The following EMILIN2 variants were observed in gnomAD, a reference collection of about 807,000 sequenced individuals.
EMILIN2 encodes the protein EMILIN-2.
Under a neutral mutation model 87.1 loss-of-function variants are expected in EMILIN2, and 71 were observed. That is an observed-to-expected ratio of 0.82 (90% CI 0.67 to 0.99). The LOEUF (loss-of-function observed/expected upper bound fraction) is 0.99, where lower values mean the gene tolerates loss of function less well. Among genes scored for constraint, EMILIN2 ranks in the 50% least tolerant of loss-of-function variants. The pLI, the probability that EMILIN2 is intolerant of heterozygous loss-of-function variation, is 0.00. For synonymous variants in EMILIN2, 581 were observed against 563.4 expected (o/e 1.03, Z -0.44); for missense variants, 1,407 against 1,371.8 (o/e 1.03, Z -0.40).
chr18:2,871,742 A>G (rs1018261698), intron 2 of EMILIN2, among the ~76,000 whole-genome samples: 1 of 152,188 alleles, frequency 6.6e-6, no homozygotes, highest in Non-Finnish European at 1.5e-5. Context: ...GACATTCAGG[A>G]CCTCATTATT....
chr18:2,852,332 G>A (rs1040471894), intron 2 of EMILIN2, among the ~76,000 whole-genome samples: 1 of 152,186 alleles, frequency 6.6e-6, no homozygotes, highest in African/African-American at 2.4e-5. Context: ...GAGAGTTATC[G>A]GACATACTGC....
Position 2,847,075 on chromosome 18 carries a change from C to T in EMILIN2, c.-114C>T, listed in dbSNP as rs763941986. 20 of 1,084,938 alleles carry T rather than the reference C, an allele frequency of 1.8e-5. No individual in the cohort carries two copies. Among genetic ancestry groups the T allele is most frequent in the Middle Eastern group, 6.0e-4 (2 of 3,360 alleles). The allele number at this position is 1,084,938 out of a possible 1,614,324, so 67.2% of individuals were successfully genotyped here. On this transcript the variant is annotated 5_prime_UTR_variant, in exon 1 of 8. Coordinates refer to ENST00000254528, the MANE Select transcript of EMILIN2 (RefSeq NM_032048.3). This position sits in a 1 kb window ranked among gnomAD's most constrained non-coding sequence, Gnocchi z 4.5. ...GCACTGGTTGGAGCGCCGCGAAGCG[C>T]CCGAGCCTCTTGCCTTCGCGGGCGG...
intron 2 of EMILIN2, among the ~76,000 whole-genome samples, chr18:2,857,367 C>T (rs973980041): frequency 3.3e-5 from 5 of 152,180 alleles, no homozygotes; most frequent in Non-Finnish European, 7.3e-5. Flanking sequence ...CAGAGATTTA[C>T]TCTCAGTCCA....
chr18:2,909,675 C>A lies in EMILIN2; in HGVS notation c.2696-16C>A. ...AAGCACCCGGGTCAATCCATTCCAT[C>A]CTTTCTCTGCTCCAGGAGCTCCGGT... On this transcript the variant is annotated splice_polypyrimidine_tract_variant and intron_variant, in intron 6 of 7. Coordinates refer to ENST00000254528, the MANE Select transcript of EMILIN2 (RefSeq NM_032048.3). 1 of 1,613,448 alleles carries A rather than the reference C, an allele frequency of 6.2e-7. No homozygotes were observed. The highest frequency in any genetic ancestry group is 8.5e-7 in the Non-Finnish European group (1 of 1,179,678).
intron 7 of EMILIN2, among the ~76,000 whole-genome samples, chr18:2,912,436 G>C (rs1297087477): frequency 6.6e-6 from 1 of 152,220 alleles, no homozygotes; most frequent in African/African-American, 2.4e-5. Flanking sequence ...GAGCCCGTGA[G>C]TGATGGCCAT....
chr18:2,907,159 A>T, intron 5 of EMILIN2, 74 bp downstream of exon 5: 2 of 1,217,708 alleles, frequency 1.6e-6, no homozygotes, highest in Non-Finnish European at 2.0e-6. Flanking sequence ...GGGTCTGCTG[A>T]GGGGCGTGGC....
At chr18:2,873,490 G>A (rs1030360426) in intron 2 of EMILIN2, among the ~76,000 whole-genome samples, 16 of 151,780 alleles carry the variant, frequency 1.1e-4, no homozygotes, top group South Asian at 6.2e-4. Flanking sequence ...GGTGGATCAC[G>A]AGGTCAGGAG....
In EMILIN2 at chr18:2,902,825, T is replaced by A. The variant is rs2076893929; in HGVS notation, c.2360-3958T>A. On this transcript the variant is annotated intron_variant, in intron 4 of 7. Coordinates refer to ENST00000254528, the MANE Select transcript of EMILIN2 (RefSeq NM_032048.3). ...AGCTGGGCTTAGCAACAAATTTGTG[T>A]GTGAAGGAGCAGGAGGGGGAGACCA... Among the ~76,000 whole-genome samples the A allele has an allele frequency of 2.6e-5, 4 of 151,986 alleles. No homozygotes were observed. In the South Asian group the frequency reaches 8.3e-4, roughly 32 times the overall value.
chr18:2,899,796 G>A (rs866585635), intron 4 of EMILIN2, among the ~76,000 whole-genome samples: 5 of 152,280 alleles, frequency 3.3e-5, no homozygotes, highest in African/African-American at 7.2e-5. Flanking sequence ...GAGCCACCGC[G>A]CGCGGCCCAG....
Position 2,909,738 on chromosome 18 carries a change from A to C in EMILIN2, c.2743A>C (p.Lys915Gln), listed in dbSNP as rs751573038. ...GTCTTTTTCTGCGGGGCTCACCCAG[A>C]AGCCTTTCCCCAGTGATGGGGGCGT... ...LVSFSAGLTQ[K>Q]PFPSDGGVVL... The change falls in exon 7 of 8, where the codon AAG becomes CAG. Residue 915 changes from lysine to glutamine, a missense_variant. By Grantham distance (53) the Lys-to-Gln change is moderately conservative (BLOSUM62 1). Transcript: ENST00000254528. 5 of 1,613,768 alleles carry C rather than the reference A, an allele frequency of 3.1e-6. No individual in the cohort carries two copies.
intron 2 of EMILIN2, among the ~76,000 whole-genome samples, chr18:2,860,472 G>A (rs1459198120): frequency 3.3e-5 from 5 of 152,102 alleles, no homozygotes; most frequent in Non-Finnish European, 5.9e-5. Context: ...CCACCTGTGA[G>A]TGAGAACATG....
intron 4 of EMILIN2, among the ~76,000 whole-genome samples, chr18:2,895,670 G>A (rs897544080): frequency 1.3e-5 from 2 of 152,200 alleles, no homozygotes; most frequent in African/African-American, 4.8e-5. Context: ...GCCAACCTGG[G>A]CTTCCTCACA....
chr18:2,885,612 T>C (rs930252627), intron 3 of EMILIN2, among the ~76,000 whole-genome samples: 5 of 152,174 alleles, frequency 3.3e-5, no homozygotes, highest in African/African-American at 1.2e-4. Flanking sequence ...TCTGCCTACC[T>C]GGTTCAAGCA....
intron 7 of EMILIN2, among the ~76,000 whole-genome samples, chr18:2,911,033 C>G (rs1010366068): frequency 2.6e-5 from 4 of 152,204 alleles, no homozygotes; most frequent in Admixed American, 2.6e-4. Flanking sequence ...GGAATCCATA[C>G]AGGCCTCAAT....
intron 2 of EMILIN2, among the ~76,000 whole-genome samples, chr18:2,876,877 C>T (rs16943963): frequency 0.6 from 91,386 of 152,008 alleles, 27,932 homozygotes; most frequent in East Asian, 0.92. Context: ...TATATTTGCC[C>T]GAGCATTCTG....
At chr18:2,866,671 A>G (rs1291373534) in intron 2 of EMILIN2, among the ~76,000 whole-genome samples, 1 of 152,184 alleles carries the variant, frequency 6.6e-6, no homozygotes, top group Non-Finnish European at 1.5e-5. Flanking sequence ...CTCTTTACAG[A>G]TTTGGATGCC....
chr18:2,890,466 T>C lies in EMILIN2; in HGVS notation c.434-95T>C, dbSNP rs2076828880. 2.8e-6 allele frequency: 4 copies of C among 1,407,862 alleles called. No homozygotes were observed. Among genetic ancestry groups the C allele is most frequent in the Non-Finnish European group, 1.9e-6 (2 of 1,041,058 alleles). 87.2% of individuals were successfully genotyped at this position (1,407,862 alleles called of 1,614,324 possible). On this transcript the variant is annotated intron_variant, in intron 3 of 7. Coordinates refer to ENST00000254528, the MANE Select transcript of EMILIN2 (RefSeq NM_032048.3). The surrounding 1 kb of genome is among the most constrained non-coding windows in gnomAD (Gnocchi z 4.7). Reference sequence around the variant, plus strand: ...GTGTAGTGACCTGTAAGTGAAGATGTACATGTATTTTGTAGGTACCTTGTT... The same window carrying C: ...GTGTAGTGACCTGTAAGTGAAGATGCACATGTATTTTGTAGGTACCTTGTT...
chr18:2,856,707 C>T (rs1228019295), intron 2 of EMILIN2, among the ~76,000 whole-genome samples: 1 of 152,174 alleles, frequency 6.6e-6, no homozygotes, highest in Non-Finnish European at 1.5e-5. Context: ...TCATTGGCCG[C>T]GTGACTTCTT....
intron 2 of EMILIN2, among the ~76,000 whole-genome samples, chr18:2,873,819 A>C (rs2076734439): frequency 6.6e-6 from 1 of 152,168 alleles, no homozygotes; most frequent in Non-Finnish European, 1.5e-5. Context: ...TTCCTCTTGA[A>C]GTACAGGAGT....
Sources: allele counts gnomAD v4.1 joint callset (sites outside exome capture counted in the v4.1 genomes callset), GRCh38; gene constraint gnomAD v4.1.1; non-coding constraint Gnocchi (gnomAD v3.1); transcripts MANE v1.5; gene names NCBI Gene and HGNC (gene_info 2026-07-23, HGNC 2026-07-21).